The following NFIB variants were observed in gnomAD, a reference collection of about 807,000 sequenced individuals.
NFIB encodes nuclear factor I B.
NFIB carries 11 observed loss-of-function variants against 61.5 expected under a neutral mutation model. The observed-to-expected ratio is 0.18, with a 90% CI of 0.11 to 0.30. NFIB has a LOEUF of 0.30. Among genes scored for constraint, NFIB ranks in the 10% least tolerant of loss-of-function variants. The probability of loss-of-function intolerance (pLI) is 1.00; values close to 1 mark genes in which losing one functional copy is unlikely to be tolerated. For synonymous variants in NFIB, 260 were observed against 216.5 expected, an observed-to-expected ratio of 1.20 and a Z score of -1.76; for missense variants, 471 against 608.9, an observed-to-expected ratio of 0.77 and a Z score of 2.38.
chr9:14,440,557 G>A, the NFIB span, among the ~76,000 whole-genome samples: 10 of 152,114 alleles, frequency 6.6e-5, no homozygotes, highest in African/African-American at 9.7e-5. Context: ...TGATTAAAGC[G>A]GGGCTATGAA....
chr9:14,454,555 T>C, the NFIB span, among the ~76,000 whole-genome samples: 1 of 152,248 alleles, frequency 6.6e-6, no homozygotes, highest in Admixed American at 6.5e-5. Context: ...TATGTTTTCT[T>C]ACCATTTTCT....
chr9:14,188,176 T>C (rs1359100372), intron 2 of NFIB, among the ~76,000 whole-genome samples: 2 of 152,192 alleles, frequency 1.3e-5, no homozygotes, highest in Admixed American at 6.5e-5. Context: ...ATTAAGTAAA[T>C]AAAATGTGGT....
chr9:14,141,100 C>G (rs2041650932), intron 6 of NFIB, among the ~76,000 whole-genome samples: 1 of 152,152 alleles, frequency 6.6e-6, no homozygotes, highest in South Asian at 2.1e-4. Context: ...AATACTATAT[C>G]CTTATAGAAC....
chr9:14,400,623 CATA>C (rs147756808), upstream of NFIB, among the ~76,000 whole-genome samples: 1,889 of 152,228 alleles, frequency 0.012, 56 homozygotes, highest in African/African-American at 0.043. Context: ...ATGCTTATCA[CATA>C]ATAACTATTG....
At chr9:14,481,551 C>CTTT in the NFIB span, among the ~76,000 whole-genome samples, 1 of 151,982 alleles carries the variant, frequency 6.6e-6, no homozygotes, top group East Asian at 1.9e-4. Context: ...CGGCCTTTCT[C>CTTT]TTTAGTCCTA....
At chr9:14,381,646 G>A (rs188457476) in intron 1 of NFIB, among the ~76,000 whole-genome samples, 10 of 152,222 alleles carry the variant, frequency 6.6e-5, no homozygotes, top group African/African-American at 2.4e-4. Context: ...TGTGCACTGT[G>A]TGGAAGAAGA....
exon 1 of NFIB, chr9:14,398,759 G>A: frequency 1.6e-6 from 1 of 626,284 alleles, no homozygotes; most frequent in East Asian, 3.0e-5. Flanking sequence ...ACAGGCAGAA[G>A]GTCCGAAGAG....
intron 6 of NFIB, among the ~76,000 whole-genome samples, chr9:14,145,153 T>G (rs1406385115): frequency 6.6e-6 from 1 of 151,966 alleles, no homozygotes; most frequent in African/African-American, 2.4e-5. Context: ...CAGTCAAAAC[T>G]CTCCAGTTGA....
In NFIB at chr9:14,305,446, T is replaced by C. The variant is rs76638729; in HGVS notation, c.562+1543A>G. Among the ~76,000 whole-genome samples the C allele has an allele frequency of 3.4e-3, 516 of 152,310 alleles. 3 individuals carry two copies. The highest frequency in any genetic ancestry group is 0.012 in the African/African-American group (503 of 41,566). Reference sequence around the variant, plus strand: ...ACCTTAAAGTGTCACCTCCTAGACATCTGTCAATCAAATAAGTGTCATGTG... The same window carrying C: ...ACCTTAAAGTGTCACCTCCTAGACACCTGTCAATCAAATAAGTGTCATGTG... On this transcript the variant is annotated intron_variant, in intron 2 of 10. Transcript: ENST00000380953.
rs1356144259 is a variant in NFIB, at chr9:14,199,816, G to C, written c.563-20036C>G. On this transcript the variant is annotated intron_variant, in intron 2 of 10. Coordinates refer to ENST00000380953, the MANE Select transcript of NFIB (RefSeq NM_001190737.2). ...TCACAAAACTCCTGAAGATATCCAA[G>C]GAGACTGCAGAGTTGCACCCAGTTT... is the stretch of plus-strand genomic sequence containing the variant. Among the ~76,000 whole-genome samples, 4 of 152,092 alleles carry C rather than the reference G, an allele frequency of 2.6e-5. No homozygotes were observed. The East Asian group carries it at 7.7e-4, about 29-fold the overall frequency.
intron 2 of NFIB, among the ~76,000 whole-genome samples, chr9:14,180,402 A>G (rs10810102): frequency 0.058 from 8,812 of 152,250 alleles, 816 homozygotes; most frequent in African/African-American, 0.19. Context: ...CAAATGGTTG[A>G]ATCAATTTAA....
intron 2 of NFIB, among the ~76,000 whole-genome samples, chr9:14,231,024 G>C (rs1273723778): frequency 6.7e-6 from 1 of 150,222 alleles, no homozygotes; most frequent in Non-Finnish European, 1.5e-5. Flanking sequence ...ATCCCAAGCT[G>C]TAGTGGCAGA....
chr9:14,093,381 A>G (rs1043841919), intron 10 of NFIB: 3 of 152,090 alleles, frequency 2.0e-5, no homozygotes, highest in Admixed American at 2.0e-4. Flanking sequence ...TTTACTTAAA[A>G]GATAGTAAAT....
At chr9:14,516,130 C>A in the NFIB span, among the ~76,000 whole-genome samples, 1 of 152,196 alleles carries the variant, frequency 6.6e-6, no homozygotes, top group Non-Finnish European at 1.5e-5. Flanking sequence ...ACAATTGCCT[C>A]GAACCACAGT....
chr9:14,245,069 G>A (rs930195924), intron 2 of NFIB, among the ~76,000 whole-genome samples: 6 of 152,102 alleles, frequency 3.9e-5, no homozygotes, highest in Admixed American at 2.0e-4. Flanking sequence ...GGCTTCAAAG[G>A]TTTGGGATAA....
chr9:14,446,369 G>C, the NFIB span, among the ~76,000 whole-genome samples: 1 of 152,112 alleles, frequency 6.6e-6, no homozygotes, highest in Non-Finnish European at 1.5e-5. Flanking sequence ...TGGGATTCCA[G>C]TCCAACCTAC....
At chr9:14,370,751 C>CT (rs1261790872) in intron 1 of NFIB, among the ~76,000 whole-genome samples, 1 of 152,218 alleles carries the variant, frequency 6.6e-6, no homozygotes, top group East Asian at 1.9e-4. Flanking sequence ...TGCCATAGGG[C>CT]TTTTTTGACC....
intron 2 of NFIB, among the ~76,000 whole-genome samples, chr9:14,273,881 GC>G (rs2057802433): frequency 6.6e-6 from 1 of 152,126 alleles, no homozygotes; most frequent in Non-Finnish European, 1.5e-5. Flanking sequence ...GGCTTTTGGT[GC>G]CCCCGAAATT....
At chr9:14,518,514 G>C in the NFIB span, among the ~76,000 whole-genome samples, 17 of 151,884 alleles carry the variant, frequency 1.1e-4, no homozygotes, top group African/African-American at 4.1e-4. Context: ...TGAGATTGTG[G>C]ATAGCCTAGT....
Sources: allele counts gnomAD v4.1 joint callset (sites outside exome capture counted in the v4.1 genomes callset), GRCh38; gene constraint gnomAD v4.1.1; transcripts MANE v1.5; gene names NCBI Gene and HGNC (gene_info 2026-07-23, HGNC 2026-07-21).